Variants in TM4SF20 observed in about 807,000 individuals in gnomAD.
TM4SF20 encodes transmembrane 4 L6 family member 20.
TM4SF20 carries 13 observed loss-of-function variants against 15.1 expected under a neutral mutation model. The ratio of observed to expected loss-of-function variants is 0.86; its 90% confidence interval spans 0.56 to 1.36. The LOEUF (loss-of-function observed/expected upper bound fraction) is 1.36. Among genes scored for constraint, TM4SF20 ranks in the 40% most tolerant of loss-of-function variants. The pLI is 0.00. For missense variants in TM4SF20, 282 were observed against 268.4 expected (o/e 1.05, Z -0.35); for synonymous variants, 92 against 96.6 (o/e 0.95, Z 0.28).
intron 1 of TM4SF20, among the ~76,000 whole-genome samples, chr2:227,376,739 T>C (rs1436007959): frequency 6.6e-6 from 1 of 152,228 alleles, no homozygotes; most frequent in Non-Finnish European, 1.5e-5. Flanking sequence ...ATCTTTCACC[T>C]CTGGCAGCCC....
At chr2:227,376,608 AG>A (rs2076451822) in intron 1 of TM4SF20, among the ~76,000 whole-genome samples, 2 of 152,260 alleles carry the variant, frequency 1.3e-5, no homozygotes, top group African/African-American at 4.8e-5. Flanking sequence ...AGGGTGATAA[AG>A]TAAACTTAGC....
chr2:227,371,977 T>C (rs2076423200), intron 1 of TM4SF20, among the ~76,000 whole-genome samples: 1 of 152,222 alleles, frequency 6.6e-6, no homozygotes, highest in South Asian at 2.1e-4. Flanking sequence ...TTTCAATTTT[T>C]AGTATATCTA....
upstream of TM4SF20, chr2:227,379,387 A>C: frequency 1.2e-6 from 1 of 831,806 alleles, no homozygotes; most frequent in South Asian, 1.8e-5. Flanking sequence ...AGTGGAAAAT[A>C]GTTCAGAGTC....
At position 227,363,522 on chromosome 2, in the gene TM4SF20, T is replaced by C; in HGVS notation, c.*202A>G. On this transcript the variant is annotated 3_prime_UTR_variant, in exon 4 of 4. Coordinates refer to ENST00000304568, the MANE Select transcript of TM4SF20 (RefSeq NM_024795.4). ...CTACACACAGTGAAGAGGTAAAAAA[T>C]TTGAATAGTACAACACAAAACTAAT... is the stretch of plus-strand genomic sequence containing the variant. The C allele has an allele frequency of 1.9e-6, 1 of 527,708 alleles. No homozygotes were observed. Among genetic ancestry groups the C allele is most frequent in the Non-Finnish European group, 3.3e-6 (1 of 305,482 alleles). The allele number at this position is 527,708 out of a possible 1,614,324, so 32.7% of individuals were successfully genotyped here.
intron 1 of TM4SF20, among the ~76,000 whole-genome samples, chr2:227,373,810 TC>T (rs2076432955): frequency 6.6e-6 from 1 of 151,394 alleles, no homozygotes; most frequent in Non-Finnish European, 1.5e-5. Flanking sequence ...GTGCCTGTAG[TC>T]CCAGCTACCA....
intron 1 of TM4SF20, among the ~76,000 whole-genome samples, chr2:227,378,879 G>A (rs2076464235): frequency 6.6e-6 from 1 of 151,956 alleles, no homozygotes; most frequent in Non-Finnish European, 1.5e-5. Context: ...TTATTTTTTT[G>A]CCCAGCTCTC....
At chr2:227,371,809 G>C (rs2076422525) in intron 1 of TM4SF20, among the ~76,000 whole-genome samples, 1 of 152,082 alleles carries the variant, frequency 6.6e-6, no homozygotes, top group Non-Finnish European at 1.5e-5. Flanking sequence ...AATTATTTTT[G>C]GTTCCACGTT....
At chr2:227,379,511 G>A (rs192959648), upstream of TM4SF20, among the ~76,000 whole-genome samples, 1 of 152,208 alleles carries the variant, frequency 6.6e-6, no homozygotes, top group Non-Finnish European at 1.5e-5. Context: ...ATAAATTTAT[G>A]TAAGAAGATA....
At chr2:227,375,736 G>A (rs778170501) in intron 1 of TM4SF20, among the ~76,000 whole-genome samples, 17 of 152,126 alleles carry the variant, frequency 1.1e-4, no homozygotes, top group Non-Finnish European at 1.9e-4. Flanking sequence ...TGATTCGCCC[G>A]CCTCGGCCTC....
intron 1 of TM4SF20, among the ~76,000 whole-genome samples, chr2:227,375,016 C>G (rs926134820): frequency 7.9e-5 from 12 of 151,792 alleles, no homozygotes; most frequent in African/African-American, 2.9e-4. Flanking sequence ...CAACTCCTGC[C>G]TCTGGGTACA....
chr2:227,370,336 G>C (rs955643545), intron 2 of TM4SF20, among the ~76,000 whole-genome samples: 3 of 152,050 alleles, frequency 2.0e-5, no homozygotes, highest in Admixed American at 1.3e-4. Flanking sequence ...TCCTTTCTTT[G>C]AAAACCTTTA....
Position 227,366,225 on chromosome 2 carries a change from A to T in TM4SF20, c.269T>A (p.Phe90Tyr), listed in dbSNP as rs771292483. 1 of 1,608,286 alleles carries T rather than the reference A, an allele frequency of 6.2e-7. No homozygotes were observed. The highest frequency in any genetic ancestry group is 1.7e-5 in the Admixed American group (1 of 58,060). The change falls in exon 3 of 4, where the codon TTC (phenylalanine) becomes TAC (tyrosine). Residue 90 changes from phenylalanine (F) to tyrosine (Y), a missense_variant. Coordinates refer to ENST00000304568, the MANE Select transcript of TM4SF20 (RefSeq NM_024795.4). ...NRTGMFLSSL[F>Y]SVITVIGALY... ...AGCACCAATGACTGTGATCACACTG[A>T]AAAGTGATGAAAGAAACATCTGAAA...
At chr2:227,374,525 C>T (rs1258682428) in intron 1 of TM4SF20, among the ~76,000 whole-genome samples, 1 of 152,164 alleles carries the variant, frequency 6.6e-6, no homozygotes, top group Admixed American at 6.5e-5. Flanking sequence ...ACTTTCTCTT[C>T]ATTTCCTAAG....
At chr2:227,379,009 G>T in intron 1 of TM4SF20, 77 bp downstream of exon 1, 1 of 1,443,908 alleles carries the variant, frequency 6.9e-7, no homozygotes, top group Non-Finnish European at 9.5e-7. Flanking sequence ...TTAACTGCAA[G>T]ACTGGAAGAC....
At chr2:227,366,339 C>A in intron 2 of TM4SF20, 95 bp from the exon 3 acceptor site, 1 of 1,109,084 alleles carries the variant, frequency 9.0e-7, no homozygotes, top group South Asian at 1.7e-5. Flanking sequence ...TAAATCCAGT[C>A]GCCCTAAAAT....
At chr2:227,371,608 G>A (rs1162993459) in intron 1 of TM4SF20, among the ~76,000 whole-genome samples, 2 of 152,174 alleles carry the variant, frequency 1.3e-5, no homozygotes, top group African/African-American at 2.4e-5. Flanking sequence ...AACTAAAGAT[G>A]TGAGCCATTA....
At chr2:227,368,170 C>T (rs1464334316) in intron 2 of TM4SF20, among the ~76,000 whole-genome samples, 5 of 149,374 alleles carry the variant, frequency 3.3e-5, no homozygotes, top group South Asian at 2.1e-4. Context: ...ACTACAGGCA[C>T]CCGCCACCAC....
chr2:227,374,434 G>GGTGTGT (rs57830966), intron 1 of TM4SF20, among the ~76,000 whole-genome samples: 9 of 151,076 alleles, frequency 6.0e-5, no homozygotes, highest in South Asian at 4.2e-4. Context: ...AACTGTGAAT[G>GGTGTGT]GTGTGTGTGT....
chr2:227,371,116 C>T (rs929838028), intron 1 of TM4SF20, 136 bp from the exon 2 acceptor site: 22 of 783,578 alleles, frequency 2.8e-5, no homozygotes, highest in Non-Finnish European at 4.3e-5. Flanking sequence ...TGGCAATATC[C>T]GTGGTTTTGT....
Sources: gnomAD v4.1 joint callset for allele counts (sites outside exome capture counted in the v4.1 genomes callset) on GRCh38, gnomAD v4.1.1 for gene constraint, MANE v1.5 for transcripts, NCBI Gene and HGNC (gene_info 2026-07-23, HGNC 2026-07-21) for gene names.